OR52A1: variants seen among roughly 807,000 people sequenced by gnomAD.
The protein encoded by OR52A1 is olfactory receptor 52A1.
OR52A1 carries 14 observed loss-of-function variants against 14.3 expected under a neutral mutation model. The ratio of observed to expected loss-of-function variants is 0.98; its 90% CI spans 0.65 to 1.54. OR52A1 has a LOEUF of 1.54. Ranked by LOEUF, OR52A1 falls within the 40% of genes most tolerant of loss-of-function variation. The pLI is 0.00. For synonymous variants in OR52A1, 151 were observed against 135.3 expected, an observed-to-expected ratio of 1.12 and a Z score of -0.80; for missense variants, 405 against 381.3, an observed-to-expected ratio of 1.06 and a Z score of -0.52.
chr11:5,152,431 T>C lies in OR52A1; in HGVS notation c.-62A>G, dbSNP rs1405444203. ...TTCTCAGTCAGTGTTACTGTTCCTCTTCTGCTTTCTGATTTTCTCCAAACT... is the reference window on the plus strand; with the variant it reads ...TTCTCAGTCAGTGTTACTGTTCCTCCTCTGCTTTCTGATTTTCTCCAAACT... On this transcript the variant is annotated 5_prime_UTR_variant, in exon 2 of 2. Coordinates refer to ENST00000380367, the MANE Select transcript of OR52A1 (RefSeq NM_012375.3). 7 of 1,182,324 alleles carry C rather than the reference T, an allele frequency of 5.9e-6. No homozygotes were observed. Among genetic ancestry groups the C allele is most frequent in the Non-Finnish European group, 8.3e-6 (7 of 839,586 alleles). 73.2% of individuals were successfully genotyped at this position (1,182,324 alleles called of 1,614,324 possible).
Position 5,152,247 on chromosome 11 carries a change from C to T in OR52A1, c.123G>A (p.Met41Ile). Residue 41 changes from methionine to isoleucine, a missense_variant, in exon 2 of 2, where the codon ATG becomes ATA. Transcript: ENST00000380367. ...TGCTCAGAAGCAAGGAATTTCCAAT[C>T]ATAGCAATGAGATAAATGGCACAGA... Reference protein sequence around the residue: ...IPFCAIYLIAMIGNSLLLSII... With the variant: ...IPFCAIYLIAIIGNSLLLSII... 1.2e-6 allele frequency: 2 copies of T among 1,614,122 alleles called. No individual in the cohort carries two copies. The highest frequency in any genetic ancestry group is 1.7e-6 in the Non-Finnish European group (2 of 1,180,006).
In OR52A1 at chr11:5,150,816, A is replaced by C. The variant is rs1013042443; in HGVS notation, c.*615T>G. The C allele has an allele frequency of 1.3e-5, 2 of 152,294 alleles. No homozygotes were observed. Among genetic ancestry groups the C allele is most frequent in the East Asian group, 3.9e-4 (2 of 5,188 alleles). 9.4% of individuals were successfully genotyped at this position (152,294 alleles called of 1,614,324 possible). On this transcript the variant is annotated 3_prime_UTR_variant, in exon 2 of 2. Transcript: ENST00000380367. ...AGGTTTTTGATAAAATGATGAATTA[A>C]TAAAGAAGTAAATTTTGAGGTTAGC...
rs1422493757 is a variant in OR52A1, at chr11:5,149,690, A to G, written c.*1741T>C. On this transcript the variant is annotated 3_prime_UTR_variant, in exon 2 of 2. Coordinates refer to ENST00000380367, the MANE Select transcript of OR52A1 (RefSeq NM_012375.3). ...TTTTTCCATAAAGCCTTAGCTATAT[A>G]TTATTTGGCCATTTATGTAAAAGTT... is the stretch of plus-strand genomic sequence containing the variant. 6.6e-6 allele frequency: 1 copy of G among 152,202 alleles called. No homozygotes were observed. Among genetic ancestry groups the G allele is most frequent in the Non-Finnish European group, 1.5e-5 (1 of 68,042 alleles). The allele number at this position is 152,202 out of a possible 1,614,324, so 9.4% of individuals were successfully genotyped here. A position where few individuals can be genotyped will look rare whatever the true frequency, so the allele number is the denominator to read the frequency against.
In OR52A1 at chr11:5,151,439, A is replaced by C; in HGVS notation, c.931T>G (p.Cys311Gly). The change falls in exon 2 of 2, where the codon TGT (cysteine) becomes GGT (glycine). Residue 311 changes from cysteine to glycine, a missense_variant. By Grantham distance (159) the Cys-to-Gly change is radical. Transcript: ENST00000380367. ...QIRIHVVKMF[C>G]S ...ATTAATTAAGGTGGATTTTATGAAC[A>C]GAACATTTTTACCACATGAATGCGA... 6.2e-7 allele frequency: 1 copy of C among 1,604,344 alleles called. No individual in the cohort carries two copies.
chr11:5,152,038 C>A lies in OR52A1; in HGVS notation c.332G>T (p.Gly111Val), dbSNP rs1200215446. 3 of 1,613,906 alleles carry A rather than the reference C, an allele frequency of 1.9e-6. No homozygotes were observed. Among genetic ancestry groups the A allele is most frequent in the African/African-American group, 1.3e-5 (1 of 74,926 alleles). ...GGCCACAAGGATGCCTGACTCTATACCCTGCAATGTGTGGATGAACCACAT... is the reference window on the plus strand; with the variant it reads ...GGCCACAAGGATGCCTGACTCTATAACCTGCAATGTGTGGATGAACCACAT... ...LQMWFIHTLQ[G>V]IESGILVAMA... is the part of the protein sequence containing the mutation. The change falls in exon 2 of 2, where the codon GGT becomes GTT. Residue 111 changes from glycine (G) to valine (V), a missense_variant. By Grantham distance (109) the Gly-to-Val change is moderately radical. Coordinates refer to ENST00000380367, the MANE Select transcript of OR52A1 (RefSeq NM_012375.3).
rs1312113000 is a variant in OR52A1, at chr11:5,151,912, C to G, written c.458G>C (p.Arg153Thr). The change falls in exon 2 of 2, where the codon AGG becomes ACG. Residue 153 changes from arginine (R) to threonine (T), a missense_variant. Arg to Thr is a moderately conservative substitution (Grantham distance 71, BLOSUM62 -1). Coordinates refer to ENST00000380367, the MANE Select transcript of OR52A1 (RefSeq NM_012375.3). ...GCATGGGGCTACAAGAATAGCAGCCCTGAGTACGACCATAGTTCCTATCTG... is the reference window on the plus strand; with the variant it reads ...GCATGGGGCTACAAGAATAGCAGCCGTGAGTACGACCATAGTTCCTATCTG... ...VIQIGTMVVL[R>T]AAILVAPCLV... 1.2e-6 allele frequency: 2 copies of G among 1,613,988 alleles called. No homozygotes were observed. Among genetic ancestry groups the G allele is most frequent in the Non-Finnish European group, 1.7e-6 (2 of 1,179,994 alleles).
intron 1 of OR52A1, among the ~76,000 whole-genome samples, chr11:5,153,945 A>G (rs978832303): frequency 1.3e-5 from 2 of 152,040 alleles, no homozygotes; most frequent in Admixed American, 1.3e-4. Context: ...CTAAACTTCA[A>G]ATGAAAGAAC....
chr11:5,150,850 AAAC>A lies in OR52A1; in HGVS notation c.*578_*580del, dbSNP rs918930597. ...TAAATTTTGAGGTTAGCAAAAAAAA[AAAC>A]AACAACATTGATGTGTCAAATGCAA... On this transcript the variant is annotated 3_prime_UTR_variant, in exon 2 of 2. Coordinates refer to ENST00000380367, the MANE Select transcript of OR52A1 (RefSeq NM_012375.3). 6 of 152,312 alleles carry A rather than the reference AAAC, an allele frequency of 3.9e-5. No homozygotes were observed. Among genetic ancestry groups the A allele is most frequent in the East Asian group, 1.9e-4 (1 of 5,190 alleles). 9.4% of individuals were successfully genotyped at this position (152,312 alleles called of 1,614,324 possible). A position where few individuals can be genotyped will look rare whatever the true frequency, so the allele number is the denominator to read the frequency against.
Position 5,148,057 on chromosome 11 carries a change from C to T in OR52A1, c.*3374G>A, listed in dbSNP as rs1471459094. 2 of 152,100 alleles carry T rather than the reference C, an allele frequency of 1.3e-5. No homozygotes were observed. The highest frequency in any genetic ancestry group is 4.8e-5 in the African/African-American group (2 of 41,418). 9.4% of individuals were successfully genotyped at this position (152,100 alleles called of 1,614,324 possible). A position where few individuals can be genotyped will look rare whatever the true frequency, so the allele number is the denominator to read the frequency against. On this transcript the variant is annotated 3_prime_UTR_variant, in exon 2 of 2. Coordinates refer to ENST00000380367, the MANE Select transcript of OR52A1 (RefSeq NM_012375.3). Reference sequence around the variant, plus strand: ...AAATTGAGGGTAATATTGATGTATTCTCACATTGAAATGGAGACCGCTTAG... The same window carrying T: ...AAATTGAGGGTAATATTGATGTATTTTCACATTGAAATGGAGACCGCTTAG...
In OR52A1 at chr11:5,151,810, A is replaced by G. The variant is rs759012912; in HGVS notation, c.560T>C (p.Ile187Thr). Residue 187 changes from isoleucine (I) to threonine (T), a missense_variant, in exon 2 of 2, where the codon ATT (isoleucine) becomes ACT (threonine). Coordinates refer to ENST00000380367, the MANE Select transcript of OR52A1 (RefSeq NM_012375.3). ...ISHSYCEHMA[I>T]VKLAAANVQV... Reference sequence around the variant, plus strand: ...AACATTTGCTGCTGCTAGTTTCACAATGGCCATATGCTCACAGTAGGAGTG... The same window carrying G: ...AACATTTGCTGCTGCTAGTTTCACAGTGGCCATATGCTCACAGTAGGAGTG... 2.5e-6 allele frequency: 4 copies of G among 1,614,158 alleles called. No homozygotes were observed. The highest frequency in any genetic ancestry group is 2.5e-6 in the Non-Finnish European group (3 of 1,180,012).
rs1846517766 is a variant in OR52A1 at position 5,149,357 on chromosome 11, T to A, written c.*2074A>T. 1 of 152,224 alleles carries A rather than the reference T, an allele frequency of 6.6e-6. No individual in the cohort carries two copies. The highest frequency in any genetic ancestry group is 1.9e-4 in the East Asian group (1 of 5,206). 9.4% of individuals were successfully genotyped at this position (152,224 alleles called of 1,614,324 possible). On this transcript the variant is annotated 3_prime_UTR_variant, in exon 2 of 2. Transcript: ENST00000380367. Reference sequence around the variant, plus strand: ...ATATTTTTGGTGGTGCTGCTTAAAGTGGTCATTGTTAAACATCCCAAACCT... The same window carrying A: ...ATATTTTTGGTGGTGCTGCTTAAAGAGGTCATTGTTAAACATCCCAAACCT...
rs1846528877 is a variant in OR52A1 at position 5,150,552 on chromosome 11, T to C, written c.*879A>G. The stretch of plus-strand genomic sequence containing the variant: ...GTAACTACCTAACCAAAAAACAAAA[T>C]ACAATAAATGCAACTCCCCTGCTTT... On this transcript the variant is annotated 3_prime_UTR_variant, in exon 2 of 2. Coordinates refer to ENST00000380367, the MANE Select transcript of OR52A1 (RefSeq NM_012375.3). 1.3e-5 allele frequency: 2 copies of C among 152,140 alleles called. No homozygotes were observed. The highest frequency in any genetic ancestry group is 4.8e-5 in the African/African-American group (2 of 41,430). The allele number at this position is 152,140 out of a possible 1,614,324, so 9.4% of individuals were successfully genotyped here.
chr11:5,152,919 A>G (rs1226688386), intron 1 of OR52A1, among the ~76,000 whole-genome samples: 1 of 152,242 alleles, frequency 6.6e-6, no homozygotes, highest in African/African-American at 2.4e-5. Flanking sequence ...ACCCAAGAAC[A>G]TAATATATTT....
Position 5,150,059 on chromosome 11 carries a change from A to C in OR52A1, c.*1372T>G, listed in dbSNP as rs1425726383. ...TGAATATTTTCCATAACCTTGAAAA[A>C]AATGATCTATGACCTGAGGTTTTTC... On this transcript the variant is annotated 3_prime_UTR_variant, in exon 2 of 2. Transcript: ENST00000380367. 1 of 152,186 alleles carries C rather than the reference A, an allele frequency of 6.6e-6. No individual in the cohort carries two copies. The highest frequency in any genetic ancestry group is 1.5e-5 in the Non-Finnish European group (1 of 68,042). The allele number at this position is 152,186 out of a possible 1,614,324, so 9.4% of individuals were successfully genotyped here.
rs1846536100 is a variant in OR52A1 at position 5,151,280 on chromosome 11, C to A, written c.*151G>T. The A allele has an allele frequency of 1.5e-6, 1 of 648,244 alleles. No homozygotes were observed. The highest frequency in any genetic ancestry group is 2.1e-5 in the South Asian group (1 of 48,046). 40.2% of individuals were successfully genotyped at this position (648,244 alleles called of 1,614,324 possible). ...TAGTCACGTAGAATTCACAATCCCA[C>A]TGATTGATATGAGCCATGATGATCT... On this transcript the variant is annotated 3_prime_UTR_variant, in exon 2 of 2. Coordinates refer to ENST00000380367, the MANE Select transcript of OR52A1 (RefSeq NM_012375.3).
intron 1 of OR52A1, among the ~76,000 whole-genome samples, chr11:5,153,819 C>CTTTTT (rs58039145): frequency 6.4e-4 from 76 of 118,952 alleles, no homozygotes; most frequent in African/African-American, 2.3e-3. Context: ...GAAAAAGCAG[C>CTTTTT]TTTTTTTTTT....
rs148897398 is a variant in OR52A1, at chr11:5,152,178, G to A, written c.192C>T (p.Phe64=). 1 of 1,614,170 alleles carries A rather than the reference G, an allele frequency of 6.2e-7. No homozygotes were observed. ...TGTCTGTGGCTCCTAGCATGCCTAA[G>A]AAAATGTACAAGGGCTCATGGAGAC... ...ERSLHEPLYI[F]LGMLGATDIA... The change falls in exon 2 of 2, where the codon TTC becomes TTT. Residue 64 remains phenylalanine (F), a synonymous_variant. Coordinates refer to ENST00000380367, the MANE Select transcript of OR52A1 (RefSeq NM_012375.3).
At position 5,154,699 on chromosome 11, in the gene OR52A1, C is replaced by G. The variant is rs1428507890; in HGVS notation, c.-574G>C. On this transcript the variant is annotated 5_prime_UTR_variant, in exon 1 of 2. Coordinates refer to ENST00000380367, the MANE Select transcript of OR52A1 (RefSeq NM_012375.3). ...GTCTGTCTCAGACCATCTTTGTGTG[C>G]TCATCCCCCAGTAAAACTCATAGTG... The G allele has an allele frequency of 6.6e-6, 1 of 152,154 alleles. No individual in the cohort carries two copies. The highest frequency in any genetic ancestry group is 1.5e-5 in the Non-Finnish European group (1 of 68,018). 9.4% of individuals were successfully genotyped at this position (152,154 alleles called of 1,614,324 possible). A position where few individuals can be genotyped will look rare whatever the true frequency, so the allele number is the denominator to read the frequency against.
chr11:5,146,912 C>A lies in OR52A1; in HGVS notation c.*4519G>T, dbSNP rs1468066494. The A allele has an allele frequency of 6.6e-6, 1 of 152,218 alleles. No homozygotes were observed. The highest frequency in any genetic ancestry group is 2.4e-5 in the African/African-American group (1 of 41,464). 9.4% of individuals were successfully genotyped at this position (152,218 alleles called of 1,614,324 possible). A position where few individuals can be genotyped will look rare whatever the true frequency, so the allele number is the denominator to read the frequency against. On this transcript the variant is annotated 3_prime_UTR_variant, in exon 2 of 2. Transcript: ENST00000380367. ...CCTCGACTCTTTAGAGAGTCATCAT[C>A]TAAATCTGAAATCTTAGAATATAGG...
Sources: gnomAD v4.1 joint callset for allele counts (sites outside exome capture counted in the v4.1 genomes callset) on GRCh38, gnomAD v4.1.1 for gene constraint, MANE v1.5 for transcripts, NCBI Gene and HGNC (gene_info 2026-07-23, HGNC 2026-07-21) for gene names.